Variants in PLA2G5 observed in about 807,000 individuals in gnomAD.
The protein encoded by PLA2G5 is Ca2+-dependent phospholipase A2.
Under a neutral mutation model 15.9 loss-of-function variants are expected in PLA2G5, and 12 were observed. That is an observed-to-expected ratio of 0.76 (90% confidence interval 0.48 to 1.23). The LOEUF is 1.23. PLA2G5 is among the 50% of genes most tolerant of loss of function. The probability of loss-of-function intolerance (pLI) is 0.00; values close to 1 mark genes in which losing one functional copy is unlikely to be tolerated. For missense variants in PLA2G5, 169 were observed against 177.1 expected, an observed-to-expected ratio of 0.95 and a Z score of 0.26; for synonymous variants, 71 against 71.4, an observed-to-expected ratio of 0.99 and a Z score of 0.03.
intron 1 of PLA2G5, among the ~76,000 whole-genome samples, chr1:20,033,870 T>C (rs374121142): frequency 6.6e-6 from 1 of 151,900 alleles, no homozygotes; most frequent in Non-Finnish European, 1.5e-5. Context: ...TGTGAATTCA[T>C]GTAGAGGAGC....
Position 20,090,735 on chromosome 1 carries a change from T to G in PLA2G5, c.*43T>G. On this transcript the variant is annotated 3_prime_UTR_variant, in exon 5 of 5. Coordinates refer to ENST00000375108, the MANE Select transcript of PLA2G5 (RefSeq NM_000929.3). ...CTCCCAGACCAAGACTTTTGTTCTGTTTTTCTACAACACAGAGTACTGACT... is the reference window on the plus strand; with the variant it reads ...CTCCCAGACCAAGACTTTTGTTCTGGTTTTCTACAACACAGAGTACTGACT... 1 of 1,605,938 alleles carries G rather than the reference T, an allele frequency of 6.2e-7. No homozygotes were observed. The highest frequency in any genetic ancestry group is 1.7e-5 in the Admixed American group (1 of 59,990).
chr1:20,086,026 G>C, intron 2 of PLA2G5, 57 bp from the exon 3 acceptor site: 1 of 1,592,832 alleles, frequency 6.3e-7, no homozygotes, highest in Non-Finnish European at 8.6e-7. Context: ...TGGGCAGTGG[G>C]CCTAAAGCAG....
chr1:20,063,212 A>T (rs917717641), intron 2 of PLA2G5, among the ~76,000 whole-genome samples: 2 of 152,062 alleles, frequency 1.3e-5, no homozygotes, highest in African/African-American at 2.4e-5. Flanking sequence ...AAAAATGAAG[A>T]TGAAAATGAA....
intron 1 of PLA2G5, among the ~76,000 whole-genome samples, chr1:20,072,032 C>T (rs757597525): frequency 2.0e-5 from 3 of 152,138 alleles, no homozygotes; most frequent in Non-Finnish European, 4.4e-5. Flanking sequence ...TGCTTGAACC[C>T]AGGTGGCGGA....
intron 1 of PLA2G5, among the ~76,000 whole-genome samples, chr1:20,053,862 CAAAT>C (rs544361485): frequency 1.7e-4 from 26 of 152,296 alleles, no homozygotes; most frequent in Admixed American, 1.2e-3. Flanking sequence ...TGGATTTTGA[CAAAT>C]GAATAAGGAT....
chr1:20,047,038 G>A (rs536297209), intron 1 of PLA2G5, among the ~76,000 whole-genome samples: 1 of 152,148 alleles, frequency 6.6e-6, no homozygotes, highest in Non-Finnish European at 1.5e-5. Context: ...CAGCCAAAAG[G>A]TGCCCCTGAG....
chr1:20,076,062 A>G (rs954939843), intron 1 of PLA2G5, among the ~76,000 whole-genome samples: 19 of 152,056 alleles, frequency 1.2e-4, no homozygotes, highest in Admixed American at 2.0e-4. Flanking sequence ...TAGTAGAGAC[A>G]GGGTTTCACC....
In PLA2G5 at chr1:20,045,392, G is replaced by A. The variant is rs557892640; in HGVS notation, n.277-14240G>A. On this transcript the variant is annotated intron_variant and non_coding_transcript_variant, in intron 1 of 6. Coordinates refer to the PLA2G5 transcript ENST00000460175. ...GTGATCAGACACCTCTGAAATGTGGGTGAATAATCAGGCAGGCGTCACCAC... is the reference window on the plus strand; with the variant it reads ...GTGATCAGACACCTCTGAAATGTGGATGAATAATCAGGCAGGCGTCACCAC... 2.6e-5 allele frequency among the ~76,000 whole-genome samples: 4 copies of A among 152,278 alleles called. No homozygotes were observed. The South Asian group carries it at 6.2e-4, about 24-fold the overall frequency.
chr1:20,079,516 T>C (rs951880846), intron 1 of PLA2G5, among the ~76,000 whole-genome samples: 1 of 152,188 alleles, frequency 6.6e-6, no homozygotes, highest in Non-Finnish European at 1.5e-5. Flanking sequence ...ATGTATTCAT[T>C]TATTCATTAA....
At chr1:20,088,449 G>A (rs982139125) in intron 3 of PLA2G5, among the ~76,000 whole-genome samples, 2 of 149,720 alleles carry the variant, frequency 1.3e-5, no homozygotes, top group African/African-American at 4.9e-5. Context: ...TAAAAACTAG[G>A]GAACTCTGAA....
At chr1:20,041,551 C>A (rs1274304051) in intron 1 of PLA2G5, among the ~76,000 whole-genome samples, 1 of 152,116 alleles carries the variant, frequency 6.6e-6, no homozygotes, top group East Asian at 1.9e-4. Context: ...GGGGCCTGAA[C>A]AATCCCTGGG....
intron 1 of PLA2G5, 42 bp from the exon 2 acceptor site, chr1:20,084,779 A>G (rs2016198720): frequency 1.4e-6 from 2 of 1,403,326 alleles, no homozygotes; most frequent in African/African-American, 2.8e-5. Context: ...CCACGGGGGC[A>G]TTGCCTGATA....
At chr1:20,059,893 G>T (rs997080324) in intron 2 of PLA2G5, among the ~76,000 whole-genome samples, 4 of 152,200 alleles carry the variant, frequency 2.6e-5, no homozygotes, top group Non-Finnish European at 5.9e-5. Context: ...TGTTGTGGTA[G>T]AAGCAGCCGT....
chr1:20,087,127 T>C (rs192124282), intron 3 of PLA2G5, among the ~76,000 whole-genome samples: 114 of 152,354 alleles, frequency 7.5e-4, no homozygotes, highest in African/African-American at 2.5e-3. Context: ...CATGTGGAAG[T>C]ATGCATAGGT....
chr1:20,087,583 G>T (rs2016358043), intron 3 of PLA2G5, among the ~76,000 whole-genome samples: 2 of 152,008 alleles, frequency 1.3e-5, no homozygotes. Context: ...GCTATCAGTG[G>T]AGAGGGTCTA....
At chr1:20,037,201 C>G (rs945263365) in intron 1 of PLA2G5, among the ~76,000 whole-genome samples, 1 of 152,126 alleles carries the variant, frequency 6.6e-6, no homozygotes, top group African/African-American at 2.4e-5. Context: ...GAGGAAAGAT[C>G]TGGGGTTCAA....
chr1:20,029,382 T>C (rs986864190), intron 1 of PLA2G5, among the ~76,000 whole-genome samples: 1 of 151,944 alleles, frequency 6.6e-6, no homozygotes, highest in Non-Finnish European at 1.5e-5. Context: ...TCCGCTGACA[T>C]GTTCCTCCGC....
chr1:20,090,356 A>C (rs1216097043), intron 4 of PLA2G5, among the ~76,000 whole-genome samples: 1 of 152,110 alleles, frequency 6.6e-6, no homozygotes, highest in Non-Finnish European at 1.5e-5. Context: ...TCAGACTGGG[A>C]ACTCCCTGAG....
At chr1:20,042,771 G>A (rs930465107) in intron 1 of PLA2G5, among the ~76,000 whole-genome samples, 11 of 152,120 alleles carry the variant, frequency 7.2e-5, no homozygotes, top group East Asian at 1.9e-4. Flanking sequence ...GAGATTAGCC[G>A]GACATGATCA....
Sources: gnomAD v4.1 joint callset for allele counts (sites outside exome capture counted in the v4.1 genomes callset) on GRCh38, gnomAD v4.1.1 for gene constraint, MANE v1.5 for transcripts, NCBI Gene and HGNC (gene_info 2026-07-23, HGNC 2026-07-21) for gene names.